Variants in ATP8A2 observed in about 807,000 individuals in gnomAD.
ATP8A2 encodes the protein ATPase phospholipid transporting 8A2, also known as phospholipid-transporting ATPase IB.
ATP8A2 carries 100 observed loss-of-function variants against 165.6 expected under a neutral mutation model. That is an observed-to-expected ratio of 0.60 (90% CI 0.51 to 0.71). The LOEUF (loss-of-function observed/expected upper bound fraction) is 0.71, where lower values mean the gene tolerates loss of function less well. Ranked by LOEUF, ATP8A2 falls within the 30% of genes least tolerant of loss-of-function variation. The pLI is 0.00. For synonymous variants in ATP8A2, 543 were observed against 548.8 expected (o/e 0.99, Z 0.15); for missense variants, 1,227 against 1,479.5 (o/e 0.83, Z 2.80).
chr13:25,559,241 G>C (rs927558377), intron 14 of ATP8A2, among the ~76,000 whole-genome samples, 180 bp downstream of exon 14: 1 of 152,136 alleles, frequency 6.6e-6, no homozygotes, highest in Non-Finnish European at 1.5e-5. Context: ...TTAAAACATG[G>C]TTTATTTCTG....
chr13:25,430,881 T>C (rs1488612822), intron 1 of ATP8A2, among the ~76,000 whole-genome samples: 4 of 151,806 alleles, frequency 2.6e-5, no homozygotes, highest in Admixed American at 2.0e-4. Flanking sequence ...TATAGGCATG[T>C]GCCACCACAC....
chr13:25,543,845 A>G (rs2038560044), intron 10 of ATP8A2, among the ~76,000 whole-genome samples: 1 of 152,242 alleles, frequency 6.6e-6, no homozygotes, highest in African/African-American at 2.4e-5. Context: ...TGAAGTTAAA[A>G]TGATTTTGCT....
intron 1 of ATP8A2, among the ~76,000 whole-genome samples, chr13:25,417,223 G>T (rs370099951): frequency 3.3e-5 from 5 of 152,162 alleles, no homozygotes; most frequent in African/African-American, 1.2e-4. Context: ...CCCCAGTTTA[G>T]GCTGAGCCAG....
chr13:25,514,144 C>CT (rs2037389919), intron 2 of ATP8A2, among the ~76,000 whole-genome samples: 1 of 152,006 alleles, frequency 6.6e-6, no homozygotes, highest in Non-Finnish European at 1.5e-5. Context: ...TTTTCACTTC[C>CT]TTTTTTGCAA....
intron 3 of ATP8A2, among the ~76,000 whole-genome samples, 182 bp from the exon 4 acceptor site, chr13:25,530,380 G>C (rs1398093065): frequency 6.6e-6 from 1 of 152,146 alleles, no homozygotes; most frequent in African/African-American, 2.4e-5. Flanking sequence ...ACCAATGTTG[G>C]ATAAAATTTT....
At chr13:25,525,471 G>T (rs2037813521) in intron 2 of ATP8A2, among the ~76,000 whole-genome samples, 1 of 152,152 alleles carries the variant, frequency 6.6e-6, no homozygotes, top group Admixed American at 6.5e-5. Context: ...AGCTCCTTTA[G>T]TATTTCTTGT....
rs1251864424 is a variant in ATP8A2 at position 25,594,759 on chromosome 13, AT to A, written c.2211+5061del. On this transcript the variant is annotated intron_variant, in intron 24 of 36. Coordinates refer to ENST00000381655, the MANE Select transcript of ATP8A2 (RefSeq NM_016529.6). ...GGGAATGTAAACTAGTACAACCACTATGGAAAACAGTGTGGAGTGTCCTTAA... is the reference window on the plus strand; with the variant it reads ...GGGAATGTAAACTAGTACAACCACTAGGAAAACAGTGTGGAGTGTCCTTAA... 3.3e-5 allele frequency among the ~76,000 whole-genome samples: 5 copies of A among 152,148 alleles called. No individual in the cohort carries two copies. The East Asian group carries it at 9.6e-4, about 29-fold the overall frequency.
At chr13:25,628,895 A>G (rs747428320) in intron 24 of ATP8A2, among the ~76,000 whole-genome samples, 2 of 152,154 alleles carry the variant, frequency 1.3e-5, no homozygotes, top group East Asian at 1.9e-4. Context: ...TTATTGTGGG[A>G]CATTATTTAA....
intron 1 of ATP8A2, among the ~76,000 whole-genome samples, chr13:25,450,753 A>T (rs7332918): frequency 2.6e-5 from 4 of 151,896 alleles, no homozygotes. Context: ...GGATGGTCTC[A>T]ATCTCCTGAC....
At chr13:25,541,393 C>T (rs1321063205) in intron 8 of ATP8A2, among the ~76,000 whole-genome samples, 1 of 152,030 alleles carries the variant, frequency 6.6e-6, no homozygotes, top group Non-Finnish European at 1.5e-5. Context: ...CATGATGGCA[C>T]ATACCTGTAG....
intron 24 of ATP8A2, among the ~76,000 whole-genome samples, chr13:25,659,175 C>A (rs926052439): frequency 6.6e-6 from 1 of 152,154 alleles, no homozygotes; most frequent in Non-Finnish European, 1.5e-5. Flanking sequence ...GTCTTGCAAA[C>A]GGTCGTTTGA....
At position 26,025,116 on chromosome 13, in the gene ATP8A2, C is replaced by CAAAAAAAAAAA. The variant is rs71080217; in HGVS notation, c.*5142_*5152dup. The CAAAAAAAAAAA allele has an allele frequency of 2.2e-4, 21 of 94,674 alleles. No homozygotes were observed. Among genetic ancestry groups the CAAAAAAAAAAA allele is most frequent in the South Asian group, 7.8e-4 (2 of 2,558 alleles). 5.9% of individuals were successfully genotyped at this position (94,674 alleles called of 1,614,324 possible). On this transcript the variant is annotated 3_prime_UTR_variant, in exon 37 of 37. Coordinates refer to ENST00000381655, the MANE Select transcript of ATP8A2 (RefSeq NM_016529.6). The stretch of plus-strand genomic sequence containing the variant: ...GTGAATCAATAAACACCAACAACAA[C>CAAAAAAAAAAA]AAAAAAAAAAAAAAAAAAAAAGGAA...
In ATP8A2 at chr13:25,540,371, A is replaced by G; in HGVS notation, c.634A>G (p.Asn212Asp). ...AACAGCTAATCTGGATGGGGAGACG[A>G]ACCTTAAAATACGTCAGGTAAAGTC... ...VETANLDGETNLKIRQGLSHT... is the reference protein window; with the variant it reads ...VETANLDGETDLKIRQGLSHT... Residue 212 changes from asparagine to aspartate, a missense_variant, in exon 8 of 37, where the codon AAC becomes GAC. By Grantham distance (23) the Asn-to-Asp change is conservative (BLOSUM62 1). Coordinates refer to ENST00000381655, the MANE Select transcript of ATP8A2 (RefSeq NM_016529.6). 6.2e-7 allele frequency: 1 copy of G among 1,613,610 alleles called. No homozygotes were observed. The highest frequency in any genetic ancestry group is 8.5e-7 in the Non-Finnish European group (1 of 1,179,506).
At chr13:25,716,866 T>C (rs2043266449) in intron 25 of ATP8A2, among the ~76,000 whole-genome samples, 2 of 152,114 alleles carry the variant, frequency 1.3e-5, no homozygotes, top group South Asian at 4.1e-4. Flanking sequence ...TGATGACAAG[T>C]TGTGAGAGAA....
At chr13:25,735,961 G>A (rs1270432000) in intron 25 of ATP8A2, among the ~76,000 whole-genome samples, 1 of 152,116 alleles carries the variant, frequency 6.6e-6, no homozygotes, top group Non-Finnish European at 1.5e-5. Flanking sequence ...TGCTCTATAC[G>A]CGACTACTAT....
intron 2 of ATP8A2, among the ~76,000 whole-genome samples, chr13:25,499,863 A>C (rs759303862): frequency 6.6e-6 from 1 of 152,302 alleles, no homozygotes; most frequent in Non-Finnish European, 1.5e-5. Flanking sequence ...GGGGAAGACC[A>C]ACGGGCAACT....
At chr13:25,833,159 T>C (rs1951521399) in intron 28 of ATP8A2, among the ~76,000 whole-genome samples, 1 of 151,998 alleles carries the variant, frequency 6.6e-6, no homozygotes. Flanking sequence ...ATACATTGCA[T>C]AGGAAAAATG....
chr13:25,726,976 C>A (rs1317592119), intron 25 of ATP8A2, among the ~76,000 whole-genome samples: 1 of 152,112 alleles, frequency 6.6e-6, no homozygotes. Flanking sequence ...TACATGTGTA[C>A]ATTTCAGCCT....
chr13:25,523,020 G>C (rs908057188), intron 2 of ATP8A2, among the ~76,000 whole-genome samples: 1 of 151,806 alleles, frequency 6.6e-6, no homozygotes, highest in Non-Finnish European at 1.5e-5. Context: ...AGTTACTCTG[G>C]AGGCTGAGGC....
Sources: gnomAD v4.1 joint callset for allele counts (sites outside exome capture counted in the v4.1 genomes callset) on GRCh38, gnomAD v4.1.1 for gene constraint, MANE v1.5 for transcripts, NCBI Gene and HGNC (gene_info 2026-07-23, HGNC 2026-07-21) for gene names.